The following C1orf87 variants were observed in gnomAD, a reference collection of about 807,000 sequenced individuals.
C1orf87 encodes uncharacterized protein C1orf87.
A neutral mutation model predicts 60.5 loss-of-function variants in C1orf87; 58 were observed. The observed-to-expected ratio is 0.96, with a 90% CI of 0.78 to 1.19. The LOEUF (loss-of-function observed/expected upper bound fraction) is 1.19. C1orf87 is among the 50% of genes most tolerant of loss of function. C1orf87 has a pLI of 0.00. For synonymous variants in C1orf87, 236 were observed against 227.4 expected (o/e 1.04, Z -0.34); for missense variants, 673 against 638.6 (o/e 1.05, Z -0.58).
chr1:60,046,317 C>G (rs898235487), intron 3 of C1orf87, among the ~76,000 whole-genome samples: 2 of 132,460 alleles, frequency 1.5e-5, no homozygotes, highest in African/African-American at 5.6e-5. Context: ...CCTCCCCTAC[C>G]CTCCCTCCCT....
At chr1:60,063,360 A>G (rs949819241) in intron 2 of C1orf87, among the ~76,000 whole-genome samples, 1 of 152,110 alleles carries the variant, frequency 6.6e-6, no homozygotes, top group Non-Finnish European at 1.5e-5. Context: ...GGATTATCAT[A>G]ATAACTCTCC....
At chr1:60,009,518 G>T (rs1645068031) in intron 9 of C1orf87, among the ~76,000 whole-genome samples, 1 of 151,714 alleles carries the variant, frequency 6.6e-6, no homozygotes, top group Non-Finnish European at 1.5e-5. Flanking sequence ...CCTCAGCTTT[G>T]GATACTTACA....
intron 9 of C1orf87, among the ~76,000 whole-genome samples, chr1:60,009,375 C>T (rs950882339): frequency 2.8e-4 from 43 of 151,978 alleles, no homozygotes; most frequent in Admixed American, 1.7e-3. Context: ...TCTGGCCATG[C>T]GTACACCTTG....
At chr1:60,004,937 A>G (rs1283705610) in intron 9 of C1orf87, among the ~76,000 whole-genome samples, 1 of 136,996 alleles carries the variant, frequency 7.3e-6, no homozygotes, top group Non-Finnish European at 1.7e-5. Flanking sequence ...AGCTTTAAAA[A>G]TTACCAGTGC....
At position 60,019,178 on chromosome 1, in the gene C1orf87, G is replaced by T. The variant is rs184364362; in HGVS notation, c.1127+6223C>A. Among the ~76,000 whole-genome samples the T allele has an allele frequency of 6.3e-3, 953 of 152,236 alleles. 15 individuals carry two copies. Among genetic ancestry groups the T allele is most frequent in the African/African-American group, 0.022 (906 of 41,524 alleles). ...CCTGGTGGCAGGTGATTGGATCATG[G>T]GGGCAGATTTCCCTCATGCTGTTCT... On this transcript the variant is annotated intron_variant, in intron 8 of 11. Coordinates refer to ENST00000371201, the MANE Select transcript of C1orf87 (RefSeq NM_152377.3).
chr1:60,059,217 C>T (rs937026035), intron 2 of C1orf87, among the ~76,000 whole-genome samples: 3 of 152,196 alleles, frequency 2.0e-5, no homozygotes, highest in African/African-American at 7.2e-5. Context: ...ACTCACAGTT[C>T]TTCCTCCTAG....
intron 10 of C1orf87, among the ~76,000 whole-genome samples, chr1:60,000,090 G>T (rs1337139354): frequency 6.6e-6 from 1 of 152,048 alleles, no homozygotes; most frequent in Non-Finnish European, 1.5e-5. Flanking sequence ...TATCCTTGAG[G>T]TCTGGCTAGT....
Position 60,073,303 on chromosome 1 carries a change from G to T in C1orf87, c.-28+387C>A, listed in dbSNP as rs1223434113. ...GAGTGATGCCAAGGGAAAATCAGAA[G>T]TTCAGTAAATCTGGCCACAGCTGAA... On this transcript the variant is annotated intron_variant, in intron 1 of 11. Coordinates refer to ENST00000371201, the MANE Select transcript of C1orf87 (RefSeq NM_152377.3). Among the ~76,000 whole-genome samples, 3 of 152,282 alleles carry T rather than the reference G, an allele frequency of 2.0e-5. No homozygotes were observed. In the East Asian group the frequency reaches 5.8e-4, roughly 29 times the overall value.
At chr1:60,042,032 G>A (rs999057114) in intron 3 of C1orf87, among the ~76,000 whole-genome samples, 5 of 152,218 alleles carry the variant, frequency 3.3e-5, no homozygotes, top group South Asian at 2.1e-4. Context: ...TGTGGCTTGC[G>A]CTTTTCTCTC....
chr1:60,045,478 A>G (rs1332946234), intron 3 of C1orf87, among the ~76,000 whole-genome samples: 1 of 152,222 alleles, frequency 6.6e-6, no homozygotes, highest in Non-Finnish European at 1.5e-5. Flanking sequence ...TAAAACTTTT[A>G]ATTTTGGAAA....
intron 2 of C1orf87, among the ~76,000 whole-genome samples, chr1:60,061,976 T>C (rs1645499914): frequency 6.6e-6 from 1 of 151,990 alleles, no homozygotes; most frequent in Non-Finnish European, 1.5e-5. Flanking sequence ...CTATGTCTTA[T>C]GATTCTAGGT....
At chr1:60,038,152 G>A in intron 5 of C1orf87, 45 bp from the exon 6 acceptor site, 1 of 1,273,590 alleles carries the variant, frequency 7.9e-7, no homozygotes, top group East Asian at 2.4e-5. Context: ...TAATTTATAT[G>A]TAAGGAAAGA....
At chr1:60,013,531 A>T (rs1309714406) in intron 8 of C1orf87, among the ~76,000 whole-genome samples, 1 of 151,920 alleles carries the variant, frequency 6.6e-6, no homozygotes, top group Non-Finnish European at 1.5e-5. Context: ...TTTCCAATTC[A>T]TTTCAGTAGA....
In C1orf87 at chr1:60,040,178, A is replaced by G; in HGVS notation, c.486T>C (p.Asp162=). 1 of 1,609,334 alleles carries G rather than the reference A, an allele frequency of 6.2e-7. No individual in the cohort carries two copies. Among genetic ancestry groups the G allele is most frequent in the Non-Finnish European group, 8.5e-7 (1 of 1,178,632 alleles). ...MVRGSSDQPE[D]IGQSPSGTTN... is the part of the protein sequence containing the mutation. ...TTGTCCCACTTGGGCTCTGGCCAAT[A>G]TCCTAACACAACAATGAAAAACAAA... The change falls in exon 5 of 12, where the codon GAT becomes GAC. Residue 162 remains aspartate (D), a splice_region_variant and synonymous_variant. Coordinates refer to ENST00000371201, the MANE Select transcript of C1orf87 (RefSeq NM_152377.3).
intron 9 of C1orf87, among the ~76,000 whole-genome samples, chr1:60,003,788 T>C (rs1001703020): frequency 5.3e-5 from 8 of 152,096 alleles, no homozygotes; most frequent in African/African-American, 1.9e-4. Context: ...ATACGTAGTT[T>C]GAAAAATAAA....
chr1:60,006,615 C>G (rs1363594049), intron 9 of C1orf87, among the ~76,000 whole-genome samples: 1 of 151,124 alleles, frequency 6.6e-6, no homozygotes, highest in Non-Finnish European at 1.5e-5. Context: ...TCTTCTTCTT[C>G]TCTCTTGTTC....
At chr1:60,048,740 T>C (rs1303868580) in intron 3 of C1orf87, among the ~76,000 whole-genome samples, 1 of 152,028 alleles carries the variant, frequency 6.6e-6, no homozygotes, top group African/African-American at 2.4e-5. Context: ...CTTAATTAAT[T>C]CCTTCATTTT....
intron 8 of C1orf87, among the ~76,000 whole-genome samples, chr1:60,023,772 GTCT>G (rs1179192216): frequency 1.4e-4 from 22 of 152,118 alleles, no homozygotes; most frequent in Middle Eastern, 3.4e-3. Flanking sequence ...TAGTCTTCAT[GTCT>G]TCTTATGTTC....
intron 6 of C1orf87, among the ~76,000 whole-genome samples, chr1:60,033,997 T>C (rs1645257754): frequency 3.3e-5 from 5 of 152,194 alleles, no homozygotes; most frequent in Admixed American, 2.6e-4. Flanking sequence ...GATTTTACTT[T>C]TCTTCAACTC....
Sources: allele counts gnomAD v4.1 joint callset (sites outside exome capture counted in the v4.1 genomes callset), GRCh38; gene constraint gnomAD v4.1.1; transcripts MANE v1.5; gene names NCBI Gene and HGNC (gene_info 2026-07-23, HGNC 2026-07-21).